MEIOB: variants seen among roughly 807,000 people sequenced by gnomAD.
MEIOB encodes the protein meiosis-specific with OB domain-containing protein.
A neutral mutation model predicts 53.1 loss-of-function variants in MEIOB; 50 were observed. That is an observed-to-expected ratio of 0.94 (90% confidence interval 0.75 to 1.19). The LOEUF (loss-of-function observed/expected upper bound fraction) is 1.19. Ranked by LOEUF, MEIOB falls within the 50% of genes most tolerant of loss-of-function variation. The probability of loss-of-function intolerance (pLI) is 0.00; values close to 1 mark genes in which losing one functional copy is unlikely to be tolerated. For synonymous variants in MEIOB, 192 were observed against 182.5 expected, an observed-to-expected ratio of 1.05 and a Z score of -0.42; for missense variants, 551 against 550.8, an observed-to-expected ratio of 1.00 and a Z score of 0.00.
intron 6 of MEIOB, 139 bp from the exon 7 acceptor site, chr16:1,854,339 TG>T (rs1899245009): frequency 3.4e-6 from 2 of 587,400 alleles, no homozygotes; most frequent in African/African-American, 1.9e-5. Context: ...AATATATAGT[TG>T]ATTATTTTAA....
intron 2 of MEIOB, among the ~76,000 whole-genome samples, chr16:1,866,885 G>T (rs1245217304): frequency 6.6e-6 from 1 of 152,102 alleles, no homozygotes; most frequent in Non-Finnish European, 1.5e-5. Context: ...CATTCTAGCT[G>T]AGCTATTAGC....
chr16:1,859,308 G>A (rs1164120730), intron 5 of MEIOB, among the ~76,000 whole-genome samples: 2 of 152,142 alleles, frequency 1.3e-5, no homozygotes, highest in East Asian at 1.9e-4. Context: ...TTGGGAGGCC[G>A]AGGCGGGCGG....
chr16:1,868,089 C>G lies in MEIOB; in HGVS notation c.69+18G>C. 1 of 1,354,550 alleles carries G rather than the reference C, an allele frequency of 7.4e-7. No individual in the cohort carries two copies. Among genetic ancestry groups the G allele is most frequent in the Non-Finnish European group, 1.0e-6 (1 of 975,876 alleles). 83.9% of individuals were successfully genotyped at this position (1,354,550 alleles called of 1,614,324 possible). ...AAAATGTCATCAGTAAGCAAATCAC[C>G]ACATTATTGAAACCTACCAGATTAG... On this transcript the variant is annotated intron_variant, in intron 2 of 13. Transcript: ENST00000325962.
intron 4 of MEIOB, among the ~76,000 whole-genome samples, chr16:1,861,064 A>G (rs1899428584): frequency 6.6e-6 from 1 of 152,186 alleles, no homozygotes; most frequent in Non-Finnish European, 1.5e-5. Flanking sequence ...TTTAATATTT[A>G]CAAGAACCTA....
At chr16:1,854,260 TTGA>T (rs1196964874) in intron 6 of MEIOB, 60 bp from the exon 7 acceptor site, 1 of 965,572 alleles carries the variant, frequency 1.0e-6, no homozygotes, top group African/African-American at 1.7e-5. Context: ...TAAGTATTTG[TTGA>T]TGAAAATACT....
chr16:1,854,240 T>A, intron 6 of MEIOB, 40 bp from the exon 7 acceptor site: 1 of 1,130,406 alleles, frequency 8.8e-7, no homozygotes, highest in Non-Finnish European at 1.3e-6. Flanking sequence ...CACCTATATG[T>A]AGAAGTTCTT....
chr16:1,847,643 AAGAG>A (rs931290072), intron 9 of MEIOB, among the ~76,000 whole-genome samples: 2 of 151,900 alleles, frequency 1.3e-5, no homozygotes, highest in African/African-American at 4.8e-5. Context: ...CAGAGAAAGA[AAGAG>A]AGAGAAAGAA....
In MEIOB at chr16:1,834,171, T is replaced by G. The variant is rs1259228050; in HGVS notation, c.*85A>C. ...CACCACATGTAAACAAAATGCAATTTTCCCCATAATTTTCAAATTAATATT... is the reference window on the plus strand; with the variant it reads ...CACCACATGTAAACAAAATGCAATTGTCCCCATAATTTTCAAATTAATATT... On this transcript the variant is annotated 3_prime_UTR_variant, in exon 14 of 14. Coordinates refer to ENST00000325962, the MANE Select transcript of MEIOB (RefSeq NM_001163560.3). The G allele has an allele frequency of 4.1e-6, 3 of 728,684 alleles. No individual in the cohort carries two copies. In the Admixed American group the frequency reaches 7.8e-5, roughly 19 times the overall value. The allele number at this position is 728,684 out of a possible 1,614,324, so 45.1% of individuals were successfully genotyped here.
intron 1 of MEIOB, among the ~76,000 whole-genome samples, chr16:1,868,496 C>A (rs1021505967): frequency 6.6e-6 from 1 of 151,952 alleles, no homozygotes; most frequent in Non-Finnish European, 1.5e-5. Flanking sequence ...CTACTGCACT[C>A]CAGCCTGGGC....
intron 12 of MEIOB, chr16:1,838,157 T>A: frequency 3.9e-6 from 2 of 515,118 alleles, no homozygotes; most frequent in South Asian, 6.9e-5. Context: ...CTTCTCTGGC[T>A]AATTGTTTTA....
At position 1,839,361 on chromosome 16, in the gene MEIOB, G is replaced by T. The variant is rs376572512; in HGVS notation, c.1112C>A (p.Ser371Tyr). The change falls in exon 12 of 14, where the codon TCT becomes TAT. Residue 371 changes from serine to tyrosine, a missense_variant. Transcript: ENST00000325962. ...TCNKNSLDFK[S>Y]VFLSFHVLID... ...CAGCACATGGAAACTGAGAAAGACA[G>T]ATTTAAAGTCCAAGGAGTTTTTGTT... 92 of 1,614,174 alleles carry T rather than the reference G, an allele frequency of 5.7e-5. No homozygotes were observed. The East Asian group carries it at 1.6e-3, about 28-fold the overall frequency.
chr16:1,848,357 T>C (rs1191637036), intron 9 of MEIOB, among the ~76,000 whole-genome samples: 2 of 152,062 alleles, frequency 1.3e-5, no homozygotes, highest in East Asian at 1.9e-4. Context: ...TCTCTTCAGG[T>C]GAATTAAGCA....
intron 3 of MEIOB, among the ~76,000 whole-genome samples, chr16:1,865,559 A>G (rs372010791): frequency 6.6e-6 from 1 of 152,156 alleles, no homozygotes; most frequent in East Asian, 1.9e-4. Context: ...ATATACACAT[A>G]TGTGTGTATG....
intron 7 of MEIOB, 91 bp from the exon 8 acceptor site, chr16:1,853,362 A>G (rs1057325079): frequency 3.7e-6 from 4 of 1,082,210 alleles, no homozygotes; most frequent in Non-Finnish European, 5.4e-6. Flanking sequence ...AGAAAGCTTC[A>G]GTGGCTGGGG....
At chr16:1,850,596 CTA>C (rs971223043) in intron 9 of MEIOB, among the ~76,000 whole-genome samples, 1 of 148,070 alleles carries the variant, frequency 6.8e-6, no homozygotes, top group African/African-American at 2.5e-5. Context: ...GAATAATAAA[CTA>C]TTTTTATTAA....
intron 1 of MEIOB, among the ~76,000 whole-genome samples, chr16:1,870,648 A>G (rs972628171): frequency 2.0e-5 from 3 of 152,222 alleles, no homozygotes; most frequent in Non-Finnish European, 4.4e-5. Flanking sequence ...CTCACAGTCA[A>G]TGATGGCCCT....
At chr16:1,841,722 C>T (rs11647044) in intron 11 of MEIOB, 98 bp downstream of exon 11, 150,612 of 884,634 alleles carry the variant, frequency 0.17, 13,690 homozygotes, top group South Asian at 0.28. Flanking sequence ...ACCCCTGTTA[C>T]ATCAACAAAC....
chr16:1,861,606 G>A (rs116708337), intron 4 of MEIOB, among the ~76,000 whole-genome samples: 3,001 of 139,836 alleles, frequency 0.021, 106 homozygotes, highest in African/African-American at 0.076. Flanking sequence ...GCAGAGGTAC[G>A]ATGTTGGCTC....
At chr16:1,862,949 G>A (rs1174988398) in intron 3 of MEIOB, among the ~76,000 whole-genome samples, 1 of 151,762 alleles carries the variant, frequency 6.6e-6, no homozygotes, top group Non-Finnish European at 1.5e-5. Flanking sequence ...ATAAAAATTG[G>A]CCAGGCACAA....
Sources: allele counts gnomAD v4.1 joint callset (sites outside exome capture counted in the v4.1 genomes callset), GRCh38; gene constraint gnomAD v4.1.1; transcripts MANE v1.5; gene names NCBI Gene and HGNC (gene_info 2026-07-23, HGNC 2026-07-21).